The following DISC1 variants were observed in gnomAD, a reference collection of about 807,000 sequenced individuals.
DISC1 encodes DISC1 scaffold protein.
DISC1 carries 57 observed loss-of-function variants against 84.5 expected under a neutral mutation model. The ratio of observed to expected loss-of-function variants is 0.67; its 90% CI spans 0.55 to 0.84. The LOEUF is 0.84. DISC1 is among the 40% of genes least tolerant of loss of function. The probability of loss-of-function intolerance (pLI) is 0.00; values close to 1 mark genes in which losing one functional copy is unlikely to be tolerated. For missense variants in DISC1, 1,000 were observed against 1,057.8 expected (o/e 0.95, Z 0.76); for synonymous variants, 411 against 415.2 (o/e 0.99, Z 0.12).
intron 1 of DISC1, among the ~76,000 whole-genome samples, chr1:231,657,435 A>C (rs527285886): frequency 6.6e-6 from 1 of 151,888 alleles, no homozygotes; most frequent in African/African-American, 2.4e-5. Context: ...TCTTCTTTTG[A>C]AAAGTGTCTG....
intron 1 of DISC1, among the ~76,000 whole-genome samples, chr1:231,684,416 A>G (rs1264684319): frequency 2.0e-5 from 3 of 152,238 alleles, no homozygotes; most frequent in African/African-American, 7.2e-5. Context: ...AAAATAATAC[A>G]ATCAGTTCCT....
intron 11 of DISC1, among the ~76,000 whole-genome samples, chr1:232,011,699 G>A (rs368675912): frequency 1.3e-5 from 2 of 151,386 alleles, no homozygotes; most frequent in South Asian, 2.1e-4. Flanking sequence ...TGGTAGTTAC[G>A]TGACTGTGTG....
At chr1:231,691,991 CT>C (rs1441131782) in intron 1 of DISC1, among the ~76,000 whole-genome samples, 1 of 152,208 alleles carries the variant, frequency 6.6e-6, no homozygotes, top group Non-Finnish European at 1.5e-5. Flanking sequence ...TGAAATGTTT[CT>C]TCTGCCTTCC....
intron 9 of DISC1, among the ~76,000 whole-genome samples, chr1:231,918,680 T>A (rs977654037): frequency 2.0e-5 from 3 of 152,208 alleles, no homozygotes; most frequent in Non-Finnish European, 4.4e-5. Context: ...GAAAAATATC[T>A]CTTTTGCTCT....
intron 9 of DISC1, among the ~76,000 whole-genome samples, chr1:231,923,908 G>C (rs2090169162): frequency 6.6e-6 from 1 of 152,170 alleles, no homozygotes; most frequent in Non-Finnish European, 1.5e-5. Context: ...GTTTCCACCA[G>C]AGGAGGCGTG....
chr1:231,884,770 A>C (rs2086564132), intron 9 of DISC1, among the ~76,000 whole-genome samples: 1 of 151,854 alleles, frequency 6.6e-6, no homozygotes, highest in African/African-American at 2.4e-5. Flanking sequence ...CAAATCATAC[A>C]TGGACCTCCG....
At chr1:231,776,135 A>G (rs1173744562) in intron 6 of DISC1, among the ~76,000 whole-genome samples, 1 of 152,108 alleles carries the variant, frequency 6.6e-6, no homozygotes, top group Non-Finnish European at 1.5e-5. Context: ...TGTGTCTGGA[A>G]AACCAGGGGA....
At chr1:231,676,855 G>T (rs2063202711) in intron 1 of DISC1, among the ~76,000 whole-genome samples, 1 of 152,174 alleles carries the variant, frequency 6.6e-6, no homozygotes, top group African/African-American at 2.4e-5. Context: ...AGCTATTAAA[G>T]ACCCCTTTTA....
chr1:231,796,012 A>C (rs553997325), intron 7 of DISC1, among the ~76,000 whole-genome samples: 1 of 152,258 alleles, frequency 6.6e-6, no homozygotes, highest in Admixed American at 6.5e-5. Flanking sequence ...TTGTTCTTTA[A>C]AGCTTTTCAG....
chr1:231,714,125 A>G (rs1376805630), intron 3 of DISC1, among the ~76,000 whole-genome samples: 2 of 152,122 alleles, frequency 1.3e-5, no homozygotes, highest in African/African-American at 4.8e-5. Flanking sequence ...GGAAAATAAG[A>G]AATAATTCTA....
chr1:231,924,040 G>A (rs1177237394), intron 9 of DISC1, among the ~76,000 whole-genome samples: 1 of 152,132 alleles, frequency 6.6e-6, no homozygotes, highest in African/African-American at 2.4e-5. Flanking sequence ...TGGGCTTAAG[G>A]GTCGCTTATT....
intron 9 of DISC1, among the ~76,000 whole-genome samples, chr1:231,908,665 T>G (rs191972033): frequency 2.0e-5 from 3 of 152,324 alleles, no homozygotes; most frequent in Non-Finnish European, 2.9e-5. Context: ...TCCTTTTTGG[T>G]TCCATATGCA....
At chr1:231,710,373 C>T (rs1012297155) in intron 3 of DISC1, among the ~76,000 whole-genome samples, 1 of 152,078 alleles carries the variant, frequency 6.6e-6, no homozygotes, top group African/African-American at 2.4e-5. Flanking sequence ...AACAAACAAA[C>T]AACTCAATAG....
chr1:231,720,139 C>T (rs2069442483), intron 3 of DISC1, among the ~76,000 whole-genome samples: 1 of 152,172 alleles, frequency 6.6e-6, no homozygotes, highest in South Asian at 2.1e-4. Flanking sequence ...CTCCCTAAGT[C>T]ATGGCCAGAA....
intron 6 of DISC1, among the ~76,000 whole-genome samples, chr1:231,791,718 T>C (rs1223346899): frequency 6.6e-6 from 1 of 152,190 alleles, no homozygotes; most frequent in Non-Finnish European, 1.5e-5. Flanking sequence ...TTATGAATAA[T>C]ATGCAAGTTT....
At chr1:231,886,809 T>C (rs2086776835) in intron 9 of DISC1, among the ~76,000 whole-genome samples, 1 of 144,774 alleles carries the variant, frequency 6.9e-6, no homozygotes, top group South Asian at 2.3e-4. Flanking sequence ...CTTTCTTTCT[T>C]TCTTTCTTTC....
At chr1:231,677,424 T>C (rs1316738649) in intron 1 of DISC1, among the ~76,000 whole-genome samples, 1 of 152,156 alleles carries the variant, frequency 6.6e-6, no homozygotes, top group Admixed American at 6.5e-5. Flanking sequence ...AATTCCAAAA[T>C]GTTATCGGAA....
intron 4 of DISC1, among the ~76,000 whole-genome samples, chr1:231,752,021 T>C (rs1354888521): frequency 6.6e-6 from 1 of 152,202 alleles, no homozygotes; most frequent in East Asian, 1.9e-4. Flanking sequence ...CTTAGGCAGA[T>C]CCACCAGCAG....
At chr1:231,870,700 T>C (rs1308647375) in intron 9 of DISC1, among the ~76,000 whole-genome samples, 1 of 152,192 alleles carries the variant, frequency 6.6e-6, no homozygotes, top group Admixed American at 6.5e-5. Flanking sequence ...CAAACGAGAA[T>C]GATAGACATA....
Sources: gnomAD v4.1 joint callset for allele counts (sites outside exome capture counted in the v4.1 genomes callset) on GRCh38, gnomAD v4.1.1 for gene constraint, MANE v1.5 for transcripts, NCBI Gene and HGNC (gene_info 2026-07-23, HGNC 2026-07-21) for gene names.